Variants in GRIK4 observed in about 807,000 individuals in gnomAD.
The protein encoded by GRIK4 is glutamate receptor ionotropic, kainate 4.
A neutral mutation model predicts 104.9 loss-of-function variants in GRIK4; 40 were observed. The ratio of observed to expected loss-of-function variants is 0.38; its 90% CI spans 0.30 to 0.50. The LOEUF (loss-of-function observed/expected upper bound fraction) is 0.50. Ranked by LOEUF, GRIK4 falls within the 20% of genes least tolerant of loss-of-function variation. The pLI, the probability that GRIK4 is intolerant of heterozygous loss-of-function variation, is 0.93. For synonymous variants in GRIK4, 485 were observed against 524.9 expected, an observed-to-expected ratio of 0.92 and a Z score of 1.04; for missense variants, 1,047 against 1,308.1, an observed-to-expected ratio of 0.80 and a Z score of 3.08.
chr11:120,802,921 A>G, intron 4 of GRIK4, 64 bp downstream of exon 4: 1 of 1,380,124 alleles, frequency 7.2e-7, no homozygotes, highest in Non-Finnish European at 1.0e-6. Context: ...CAGTGGTGTG[A>G]GCTGCACCTA....
chr11:120,822,211 CAAAAAA>C (rs34732807), intron 6 of GRIK4, among the ~76,000 whole-genome samples: 1 of 71,640 alleles, frequency 1.4e-5, no homozygotes, highest in Non-Finnish European at 2.7e-5. Context: ...AACCCTATCT[CAAAAAA>C]AAAAAAAAAA....
chr11:120,618,947 A>C (rs1949149251), intron 1 of GRIK4, among the ~76,000 whole-genome samples: 1 of 152,174 alleles, frequency 6.6e-6, no homozygotes. Flanking sequence ...GAGCCTCCAC[A>C]TGGGGCACTG....
chr11:120,772,368 A>G (rs1341084723), intron 3 of GRIK4, among the ~76,000 whole-genome samples: 3 of 152,198 alleles, frequency 2.0e-5, no homozygotes, highest in South Asian at 2.1e-4. Flanking sequence ...TGTTTCATGC[A>G]TGGCATTTTC....
rs142737066 is a variant in GRIK4, at chr11:120,769,587, A to G, written c.83-33106A>G. Among the ~76,000 whole-genome samples the G allele has an allele frequency of 2.2e-3, 335 of 152,348 alleles. 2 individuals carry two copies. The highest frequency in any genetic ancestry group is 2.6e-3 in the Non-Finnish European group (180 of 68,036). ...AATTCTTAACTTGCAGACCACATCA[A>G]ACAAAGACATGCACACACATACAAA... On this transcript the variant is annotated intron_variant, in intron 3 of 20. Coordinates refer to ENST00000527524, the MANE Select transcript of GRIK4 (RefSeq NM_014619.5).
At chr11:120,955,365 G>A (rs1356999454) in intron 15 of GRIK4, among the ~76,000 whole-genome samples, 1 of 152,246 alleles carries the variant, frequency 6.6e-6, no homozygotes, top group Non-Finnish European at 1.5e-5. Context: ...AGGCGCGGAT[G>A]GAAACGGGAG....
At position 120,986,313 on chromosome 11, in the gene GRIK4, G is replaced by C. The variant is rs1944752643; in HGVS notation, c.*53G>C. 3.6e-5 allele frequency: 51 copies of C among 1,425,772 alleles called. 1 individual carries two copies. In the South Asian group the frequency reaches 7.3e-4, roughly 20 times the overall value. The allele number at this position is 1,425,772 out of a possible 1,614,324, so 88.3% of individuals were successfully genotyped here. A position where few individuals can be genotyped will look rare whatever the true frequency, so the allele number is the denominator to read the frequency against. On this transcript the variant is annotated 3_prime_UTR_variant, in exon 21 of 21. Transcript: ENST00000527524. ...CCGGGCGGGGCGGGAGGGGAGGGGC[G>C]GGGCGGGCGCTGCTGTCAGCCGCCA...
At chr11:120,807,997 G>A (rs1952750520) in intron 4 of GRIK4, among the ~76,000 whole-genome samples, 1 of 152,236 alleles carries the variant, frequency 6.6e-6, no homozygotes, top group African/African-American at 2.4e-5. Flanking sequence ...ATGGGGTCAG[G>A]TGAGGCCCCT....
At chr11:120,786,741 G>A (rs1031746214) in intron 3 of GRIK4, among the ~76,000 whole-genome samples, 1 of 152,328 alleles carries the variant, frequency 6.6e-6, no homozygotes, top group East Asian at 1.9e-4. Context: ...AGTGGAAGAT[G>A]AAGATGAGAC....
intron 1 of GRIK4, among the ~76,000 whole-genome samples, chr11:120,599,469 C>T (rs1013118165): frequency 6.6e-6 from 1 of 152,128 alleles, no homozygotes; most frequent in African/African-American, 2.4e-5. Context: ...AACAGAGTTT[C>T]CGCCGTTATC....
At chr11:120,553,292 C>T (rs1415012183) in intron 1 of GRIK4, among the ~76,000 whole-genome samples, 1 of 152,086 alleles carries the variant, frequency 6.6e-6, no homozygotes, top group Admixed American at 6.5e-5. Context: ...GACAGGGGAA[C>T]AGGAGGAAAC....
chr11:120,589,556 G>A (rs144237702), intron 1 of GRIK4, among the ~76,000 whole-genome samples: 1 of 152,274 alleles, frequency 6.6e-6, no homozygotes, highest in African/African-American at 2.4e-5. Context: ...TGCAACTCCT[G>A]CAGGACAGGG....
chr11:120,775,687 C>T (rs893678935), intron 3 of GRIK4, among the ~76,000 whole-genome samples: 3 of 152,242 alleles, frequency 2.0e-5, no homozygotes, highest in African/African-American at 7.2e-5. Flanking sequence ...TATTCAGAGC[C>T]TGTGGCCGGC....
chr11:120,707,110 T>C (rs1030170368), intron 3 of GRIK4, among the ~76,000 whole-genome samples: 5 of 152,156 alleles, frequency 3.3e-5, no homozygotes, highest in Non-Finnish European at 5.9e-5. Context: ...AGGACAGGGC[T>C]GCTCAGGAGG....
chr11:120,590,932 CG>C (rs767163813), intron 1 of GRIK4, among the ~76,000 whole-genome samples: 2 of 152,062 alleles, frequency 1.3e-5, no homozygotes, highest in South Asian at 4.1e-4. Flanking sequence ...CCATCCTTCC[CG>C]GGGTTTCTGT....
chr11:120,789,091 C>T (rs1393710579), intron 3 of GRIK4, among the ~76,000 whole-genome samples: 1 of 152,098 alleles, frequency 6.6e-6, no homozygotes, highest in Non-Finnish European at 1.5e-5. Flanking sequence ...TTCTTCCTCT[C>T]CTGTTACTCA....
intron 3 of GRIK4, among the ~76,000 whole-genome samples, chr11:120,714,445 A>C (rs754955091): frequency 2.0e-4 from 31 of 152,222 alleles, no homozygotes; most frequent in Admixed American, 8.5e-4. Flanking sequence ...TGTGCCAGGC[A>C]CTGAGCCATG....
intron 12 of GRIK4, 103 bp downstream of exon 12, chr11:120,898,742 C>A: frequency 1.4e-6 from 1 of 699,286 alleles, no homozygotes; most frequent in Non-Finnish European, 2.6e-6. Context: ...GAGCTCTAAT[C>A]ACAGCACTGA....
chr11:120,743,946 G>A (rs1303982882), intron 3 of GRIK4, among the ~76,000 whole-genome samples: 1 of 152,200 alleles, frequency 6.6e-6, no homozygotes, highest in Admixed American at 6.5e-5. Context: ...TCATTGTAAC[G>A]AGTAGCACAG....
chr11:120,741,493 T>C (rs1342887108), intron 3 of GRIK4, among the ~76,000 whole-genome samples: 1 of 152,000 alleles, frequency 6.6e-6, no homozygotes. Flanking sequence ...TTAGCCAGGA[T>C]GGTCTAGATC....
Sources: allele counts gnomAD v4.1 joint callset (sites outside exome capture counted in the v4.1 genomes callset), GRCh38; gene constraint gnomAD v4.1.1; transcripts MANE v1.5; gene names NCBI Gene and HGNC (gene_info 2026-07-23, HGNC 2026-07-21).